The following PIK3C2B variants were observed in gnomAD, a reference collection of about 807,000 sequenced individuals.
The protein encoded by PIK3C2B is phosphatidylinositol-4-phosphate 3-kinase catalytic subunit type 2 beta, also known as phosphatidylinositol 4-phosphate 3-kinase C2 domain-containing subunit beta.
In PIK3C2B, 83 loss-of-function variants were observed where a neutral mutation model predicts 184.3. That is an observed-to-expected ratio of 0.45 (90% CI 0.38 to 0.54). PIK3C2B has a LOEUF of 0.54. Ranked by LOEUF, PIK3C2B falls within the 20% of genes least tolerant of loss-of-function variation. The probability of loss-of-function intolerance (pLI) is 0.00; values close to 1 mark genes in which losing one functional copy is unlikely to be tolerated. For synonymous variants in PIK3C2B, 779 were observed against 837.6 expected (o/e 0.93, Z 1.21); for missense variants, 1,736 against 2,113.5 (o/e 0.82, Z 3.50).
chr1:204,440,364 T>C, intron 21 of PIK3C2B, 43 bp from the exon 22 acceptor site: 3 of 1,524,472 alleles, frequency 2.0e-6, no homozygotes, highest in Non-Finnish European at 2.6e-6. Context: ...CTCCACTACC[T>C]CCCCAGCTCT....
rs1217877904 is a variant in PIK3C2B at position 204,455,401 on chromosome 1, C to T, written c.1943+455G>A. The stretch of plus-strand genomic sequence containing the variant: ...CCCTCAGGCCTTGGATGCTGGGGAC[C>T]CAACAGAGGCGCTGAGGATTTTACC... On this transcript the variant is annotated intron_variant, in intron 11 of 32. Coordinates refer to ENST00000684373, the MANE Select transcript of PIK3C2B (RefSeq NM_001377334.1). Among the ~76,000 whole-genome samples the T allele has an allele frequency of 2.2e-4, 33 of 152,260 alleles. No individual in the cohort carries two copies. The South Asian group carries it at 6.8e-3, about 32-fold the overall frequency.
intron 1 of PIK3C2B, among the ~76,000 whole-genome samples, chr1:204,487,317 T>C (rs1346884395): frequency 1.1e-4 from 16 of 152,244 alleles, no homozygotes; most frequent in Non-Finnish European, 2.9e-5. Context: ...TTGCTCAAGA[T>C]GAACATTCTT....
chr1:204,426,614 CT>C (rs759168317), intron 31 of PIK3C2B, among the ~76,000 whole-genome samples: 6 of 152,198 alleles, frequency 3.9e-5, no homozygotes, highest in Non-Finnish European at 7.3e-5. Context: ...ATATATTTTA[CT>C]TATCTGCCTG....
intron 1 of PIK3C2B, among the ~76,000 whole-genome samples, chr1:204,471,950 T>C (rs1178930799): frequency 2.0e-5 from 2 of 99,740 alleles, no homozygotes; most frequent in African/African-American, 5.9e-5. Context: ...CTTACAGGTG[T>C]GCCAAAATAT....
At chr1:204,482,039 C>A (rs1325461480) in intron 1 of PIK3C2B, among the ~76,000 whole-genome samples, 1 of 150,144 alleles carries the variant, frequency 6.7e-6, no homozygotes, top group African/African-American at 2.5e-5. Context: ...AGGAGGGGAG[C>A]ACCCAACCCA....
intron 8 of PIK3C2B, among the ~76,000 whole-genome samples, chr1:204,458,139 A>G (rs1226953556): frequency 1.3e-5 from 2 of 152,294 alleles, no homozygotes; most frequent in African/African-American, 4.8e-5. Flanking sequence ...GCCTCTCTCT[A>G]TAGTTAGTCT....
At chr1:204,434,017 CA>C (rs1220004914) in intron 24 of PIK3C2B, 68 bp from the exon 25 acceptor site, 33 of 1,326,122 alleles carry the variant, frequency 2.5e-5, no homozygotes, top group Admixed American at 3.4e-5. Flanking sequence ...TGGGCTGCAT[CA>C]GGGGTCAGTT....
At chr1:204,479,439 G>A (rs1286322069) in intron 1 of PIK3C2B, among the ~76,000 whole-genome samples, 1 of 152,152 alleles carries the variant, frequency 6.6e-6, no homozygotes, top group Non-Finnish European at 1.5e-5. Flanking sequence ...GGAGACCACC[G>A]AGGGAACTTC....
In PIK3C2B at chr1:204,447,533, G is replaced by C. The variant is rs202100605; in HGVS notation, c.2392C>G (p.Pro798Ala). Residue 798 changes from proline (P) to alanine (A), a missense_variant, in exon 15 of 33, where the codon CCT becomes GCT. Physicochemically the swap from Pro to Ala is conservative, Grantham distance 27. Coordinates refer to ENST00000684373, the MANE Select transcript of PIK3C2B (RefSeq NM_001377334.1). The surrounding 1 kb of genome is among the most constrained non-coding windows in gnomAD (Gnocchi z 4.1). ...SAFDIKFTSP[P>A]GDKFSPRYEF... is the part of the protein sequence containing the mutation. Reference sequence around the variant, plus strand: ...TAGCGGGGGCTGAACTTGTCTCCAGGGGGGCTGGTGAACTTGATGTCAAAG... The same window carrying C: ...TAGCGGGGGCTGAACTTGTCTCCAGCGGGGCTGGTGAACTTGATGTCAAAG... The C allele has an allele frequency of 1.9e-5, 31 of 1,611,288 alleles. No individual in the cohort carries two copies. Among genetic ancestry groups the C allele is most frequent in the South Asian group, 9.9e-5 (9 of 90,992 alleles).
intron 23 of PIK3C2B, among the ~76,000 whole-genome samples, chr1:204,434,954 T>C (rs958730521): frequency 5.9e-5 from 9 of 152,168 alleles, no homozygotes; most frequent in African/African-American, 2.2e-4. Context: ...GAGGGGACCT[T>C]AAGAGATGGG....
intron 5 of PIK3C2B, 98 bp from the exon 6 acceptor site, chr1:204,460,759 T>G (rs573487020): frequency 5.2e-5 from 41 of 783,718 alleles, no homozygotes; most frequent in Non-Finnish European, 8.7e-5. Context: ...AGAAAGAAGG[T>G]TTAGGTAAGG....
chr1:204,482,091 G>A (rs1284656329), intron 1 of PIK3C2B, among the ~76,000 whole-genome samples: 1 of 147,980 alleles, frequency 6.8e-6, no homozygotes, highest in Non-Finnish European at 1.5e-5. Context: ...TCCCAGGGAG[G>A]AATGAGCCAT....
Position 204,433,999 on chromosome 1 carries a change from C to T in PIK3C2B, c.3687-50G>A, listed in dbSNP as rs1301701718. On this transcript the variant is annotated intron_variant, in intron 24 of 32. Coordinates refer to ENST00000684373, the MANE Select transcript of PIK3C2B (RefSeq NM_001377334.1). This position sits in a 1 kb window ranked among gnomAD's most constrained non-coding sequence, Gnocchi z 5.0. ...AGAAGGTCAACATGGAGGAGGAAGC[C>T]CACCATATGGGCTGCATCAGGGGTC... is the stretch of plus-strand genomic sequence containing the variant. The T allele has an allele frequency of 1.3e-6, 2 of 1,491,638 alleles. No homozygotes were observed. Among genetic ancestry groups the T allele is most frequent in the East Asian group, 4.5e-5 (2 of 44,224 alleles). The allele number at this position is 1,491,638 out of a possible 1,614,324, so 92.4% of individuals were successfully genotyped here. A position where few individuals can be genotyped will look rare whatever the true frequency, so the allele number is the denominator to read the frequency against.
At position 204,434,964 on chromosome 1, in the gene PIK3C2B, G is replaced by A. The variant is rs192549507; in HGVS notation, c.3517-356C>T. Among the ~76,000 whole-genome samples, 3 of 152,314 alleles carry A rather than the reference G, an allele frequency of 2.0e-5. No individual in the cohort carries two copies. In the East Asian group the frequency reaches 5.8e-4, roughly 29 times the overall value. ...AGACTGAGGGGACCTTAAGAGATGG[G>A]AAGACTGACATTTACAACTTCCCCA... On this transcript the variant is annotated intron_variant, in intron 23 of 32. Coordinates refer to ENST00000684373, the MANE Select transcript of PIK3C2B (RefSeq NM_001377334.1).
chr1:204,454,345 G>A (rs1370691294), intron 12 of PIK3C2B, among the ~76,000 whole-genome samples: 2 of 151,876 alleles, frequency 1.3e-5, no homozygotes, highest in African/African-American at 4.8e-5. Flanking sequence ...AGCTGGGCGT[G>A]GTGGCGGGCG....
intron 2 of PIK3C2B, among the ~76,000 whole-genome samples, chr1:204,468,339 T>A (rs61761688): frequency 0.012 from 1,765 of 152,290 alleles, 48 homozygotes; most frequent in African/African-American, 0.041. Flanking sequence ...ATGCTGGCCC[T>A]GCTATTGCTT....
At chr1:204,444,459 C>T (rs1406647710) in intron 16 of PIK3C2B, 35 bp from the exon 17 acceptor site, 2 of 1,537,172 alleles carry the variant, frequency 1.3e-6, no homozygotes, top group East Asian at 2.3e-5. Flanking sequence ...GACAACCTAG[C>T]TGCAAGTTGA....
intron 23 of PIK3C2B, 23 bp from the exon 24 acceptor site, chr1:204,434,631 G>A (rs1315932887): frequency 1.9e-6 from 3 of 1,594,836 alleles, no homozygotes; most frequent in South Asian, 2.2e-5. Context: ...AAGGCAGATG[G>A]GAGGAGAGGA....
intron 1 of PIK3C2B, among the ~76,000 whole-genome samples, chr1:204,477,169 A>G (rs79131949): frequency 0.016 from 2,424 of 152,280 alleles, 80 homozygotes; most frequent in African/African-American, 0.054. Context: ...CACACTCCAC[A>G]TTTGAGTGAC....
Sources: gnomAD v4.1 joint callset for allele counts (sites outside exome capture counted in the v4.1 genomes callset) on GRCh38, gnomAD v4.1.1 for gene constraint, Gnocchi (gnomAD v3.1) non-coding constraint, MANE v1.5 for transcripts, NCBI Gene and HGNC (gene_info 2026-07-23, HGNC 2026-07-21) for gene names.